Variants in PRR16 observed in about 807,000 individuals in gnomAD.
PRR16 encodes protein Largen.
Under a neutral mutation model 18.2 loss-of-function variants are expected in PRR16, and 6 were observed. The observed-to-expected ratio is 0.33, with a 90% CI of 0.18 to 0.65. PRR16 has a LOEUF of 0.65. Ranked by LOEUF, PRR16 falls within the 30% of genes least tolerant of loss-of-function variation. PRR16 has a pLI of 0.74. For synonymous variants in PRR16, 151 were observed against 147.8 expected, an observed-to-expected ratio of 1.02 and a Z score of -0.16; for missense variants, 412 against 376.6, an observed-to-expected ratio of 1.09 and a Z score of -0.78.
the PRR16 span, among the ~76,000 whole-genome samples, chr5:120,753,140 A>T: frequency 2.6e-5 from 4 of 151,992 alleles, no homozygotes; most frequent in African/African-American, 9.7e-5. Context: ...TCTGGTGTAC[A>T]AAGTAGATTT....
chr5:120,738,119 G>GA, the PRR16 span, among the ~76,000 whole-genome samples: 13,993 of 151,366 alleles, frequency 0.092, 847 homozygotes, highest in Admixed American at 0.17. Context: ...AGACATTTCT[G>GA]AAAAAAAAGA....
At chr5:120,559,833 A>G (rs1188956472) in intron 1 of PRR16, among the ~76,000 whole-genome samples, 1 of 151,858 alleles carries the variant, frequency 6.6e-6, no homozygotes, top group Non-Finnish European at 1.5e-5. Context: ...AATTTCTTTC[A>G]TCAGTATTTT....
At chr5:120,683,709 C>T (rs553604586) in intron 1 of PRR16, among the ~76,000 whole-genome samples, 1 of 152,110 alleles carries the variant, frequency 6.6e-6, no homozygotes, top group African/African-American at 2.4e-5. Flanking sequence ...ACATGACTAA[C>T]CTGAAATCAA....
the PRR16 span, among the ~76,000 whole-genome samples, chr5:120,729,341 C>T: frequency 1.3e-5 from 2 of 152,014 alleles, no homozygotes; most frequent in African/African-American, 2.4e-5. Context: ...CTCTCTGAGC[C>T]CACGTCTTCT....
At chr5:120,651,721 G>C (rs1016414328) in intron 1 of PRR16, among the ~76,000 whole-genome samples, 1 of 152,100 alleles carries the variant, frequency 6.6e-6, no homozygotes, top group Non-Finnish European at 1.5e-5. Context: ...ATGCTGCTTT[G>C]GTTACTGTAG....
chr5:120,743,496 T>G, the PRR16 span, among the ~76,000 whole-genome samples: 2 of 152,202 alleles, frequency 1.3e-5, no homozygotes, highest in African/African-American at 4.8e-5. Context: ...GTTATTGTTC[T>G]GTCTTCTGCA....
At chr5:120,730,485 T>C in the PRR16 span, among the ~76,000 whole-genome samples, 1 of 152,152 alleles carries the variant, frequency 6.6e-6, no homozygotes, top group Non-Finnish European at 1.5e-5. Flanking sequence ...ATTTGCATAG[T>C]GGTCAAATTA....
intron 1 of PRR16, among the ~76,000 whole-genome samples, chr5:120,677,772 T>G (rs1485502698): frequency 6.6e-6 from 1 of 152,050 alleles, no homozygotes; most frequent in Non-Finnish European, 1.5e-5. Flanking sequence ...TGAATTATAT[T>G]TTTTTATTAA....
At chr5:120,570,579 A>G (rs1752875127) in intron 1 of PRR16, among the ~76,000 whole-genome samples, 1 of 152,158 alleles carries the variant, frequency 6.6e-6, no homozygotes, top group African/African-American at 2.4e-5. Context: ...CTCATACATA[A>G]TACAGTAGAA....
intron 1 of PRR16, among the ~76,000 whole-genome samples, chr5:120,677,849 A>G (rs1420759830): frequency 2.0e-5 from 3 of 149,766 alleles, no homozygotes; most frequent in African/African-American, 7.4e-5. Context: ...AAAAGTATAT[A>G]CTTAAACTCT....
chr5:120,774,592 A>G, the PRR16 span, among the ~76,000 whole-genome samples: 1 of 152,134 alleles, frequency 6.6e-6, no homozygotes, highest in Admixed American at 6.5e-5. Flanking sequence ...ATTATTTAGC[A>G]CAACTGTCAA....
At chr5:120,791,624 C>CTATCT in the PRR16 span, among the ~76,000 whole-genome samples, 3 of 84,706 alleles carry the variant, frequency 3.5e-5, no homozygotes, top group South Asian at 3.7e-4. Context: ...TCTATCTATC[C>CTATCT]ATCCATCTAT....
At chr5:120,743,420 T>C in the PRR16 span, among the ~76,000 whole-genome samples, 5 of 152,162 alleles carry the variant, frequency 3.3e-5, no homozygotes, top group African/African-American at 1.2e-4. Flanking sequence ...GTAGCTTTCA[T>C]TGTGAATGTC....
chr5:120,716,840 C>A, the PRR16 span, among the ~76,000 whole-genome samples: 1 of 152,072 alleles, frequency 6.6e-6, no homozygotes, highest in African/African-American at 2.4e-5. Context: ...TCACTGCACT[C>A]CAACCTGGGC....
chr5:120,714,957 G>C, the PRR16 span, among the ~76,000 whole-genome samples: 4 of 152,128 alleles, frequency 2.6e-5, no homozygotes, highest in South Asian at 8.3e-4. Context: ...ATGGACACAG[G>C]GAGGAGAACA....
chr5:120,759,807 A>AT, the PRR16 span, among the ~76,000 whole-genome samples: 1 of 152,166 alleles, frequency 6.6e-6, no homozygotes, highest in African/African-American at 2.4e-5. Context: ...TTTGGATAGG[A>AT]TTTAGAGTCT....
At chr5:120,572,654 G>A (rs2112738384) in intron 1 of PRR16, among the ~76,000 whole-genome samples, 1 of 152,192 alleles carries the variant, frequency 6.6e-6, no homozygotes, top group South Asian at 2.1e-4. Context: ...ATTTAATGAG[G>A]AAAGTAGGTG....
intron 1 of PRR16, among the ~76,000 whole-genome samples, chr5:120,679,164 C>G (rs1205293849): frequency 6.6e-6 from 1 of 152,150 alleles, no homozygotes; most frequent in African/African-American, 2.4e-5. Flanking sequence ...TTTTAAAACT[C>G]TCTTTGTTTC....
At chr5:120,784,526 G>A in the PRR16 span, among the ~76,000 whole-genome samples, 47 of 152,152 alleles carry the variant, frequency 3.1e-4, no homozygotes, top group Non-Finnish European at 2.5e-4. Flanking sequence ...GAAAATATTT[G>A]CAAACTATTC....
Sources: gnomAD v4.1 joint callset for allele counts (sites outside exome capture counted in the v4.1 genomes callset) on GRCh38, gnomAD v4.1.1 for gene constraint, MANE v1.5 for transcripts, NCBI Gene and HGNC (gene_info 2026-07-23, HGNC 2026-07-21) for gene names.